DENND1B: variants seen among roughly 807,000 people sequenced by gnomAD.
DENND1B encodes the protein DENN domain-containing protein 1B.
In DENND1B, 59 loss-of-function variants were observed where a neutral mutation model predicts 90.1. The observed-to-expected ratio is 0.65, with a 90% confidence interval of 0.53 to 0.81. The LOEUF (loss-of-function observed/expected upper bound fraction) is 0.81. DENND1B is among the 40% of genes least tolerant of loss of function. The probability of loss-of-function intolerance (pLI) is 0.00; values close to 1 mark genes in which losing one functional copy is unlikely to be tolerated. For synonymous variants in DENND1B, 337 were observed against 324.6 expected (o/e 1.04, Z -0.41); for missense variants, 862 against 912.6 (o/e 0.94, Z 0.71).
intron 10 of DENND1B, among the ~76,000 whole-genome samples, chr1:197,637,646 C>T (rs2125910201): frequency 6.6e-6 from 1 of 152,202 alleles, no homozygotes; most frequent in East Asian, 1.9e-4. Flanking sequence ...ACTAAAAATA[C>T]AATGTTCAGA....
intron 10 of DENND1B, among the ~76,000 whole-genome samples, chr1:197,620,910 G>GTTT (rs1678097827): frequency 6.6e-6 from 1 of 151,332 alleles, no homozygotes; most frequent in Non-Finnish European, 1.5e-5. Flanking sequence ...GGGGTGGGGA[G>GTTT]CTATTTTAGA....
At chr1:197,715,383 T>C (rs531821498) in intron 2 of DENND1B, among the ~76,000 whole-genome samples, 1 of 152,072 alleles carries the variant, frequency 6.6e-6, no homozygotes, top group African/African-American at 2.4e-5. Context: ...GATTTTAAGA[T>C]TTTAAACTCT....
intron 8 of DENND1B, among the ~76,000 whole-genome samples, chr1:197,646,732 T>C (rs1045853632): frequency 6.6e-6 from 1 of 152,020 alleles, no homozygotes; most frequent in African/African-American, 2.4e-5. Flanking sequence ...TTTTGTGATC[T>C]TGGGACCAAA....
At chr1:197,637,065 A>C (rs1360740020) in intron 10 of DENND1B, among the ~76,000 whole-genome samples, 1 of 152,208 alleles carries the variant, frequency 6.6e-6, no homozygotes, top group Non-Finnish European at 1.5e-5. Flanking sequence ...TAAATATAGA[A>C]GGTACATTTT....
chr1:197,768,633 C>T (rs1656019634), intron 2 of DENND1B, among the ~76,000 whole-genome samples: 1 of 151,814 alleles, frequency 6.6e-6, no homozygotes, highest in Non-Finnish European at 1.5e-5. Context: ...CACTTTTGGA[C>T]AGCTGGAGCA....
chr1:197,550,577 C>G (rs1211077907), intron 16 of DENND1B, among the ~76,000 whole-genome samples: 1 of 151,628 alleles, frequency 6.6e-6, no homozygotes, highest in Non-Finnish European at 1.5e-5. Context: ...AAACCAAACA[C>G]CACATGTTCT....
At chr1:197,753,837 C>T (rs138347817) in intron 2 of DENND1B, among the ~76,000 whole-genome samples, 32 of 151,904 alleles carry the variant, frequency 2.1e-4, no homozygotes, top group African/African-American at 6.8e-4. Flanking sequence ...CCCGTCTCTA[C>T]TAAAAATACA....
chr1:197,759,087 A>G (rs1467869978), intron 2 of DENND1B, among the ~76,000 whole-genome samples: 1 of 148,798 alleles, frequency 6.7e-6, no homozygotes, highest in Non-Finnish European at 1.5e-5. Context: ...CTCCTGCCTC[A>G]GCCTCCCAAA....
chr1:197,750,700 A>C (rs563767685), intron 2 of DENND1B, among the ~76,000 whole-genome samples: 30 of 152,340 alleles, frequency 2.0e-4, no homozygotes, highest in African/African-American at 6.7e-4. Context: ...TGAGGAAGGC[A>C]GAGCAGTTCT....
chr1:197,561,184 A>C (rs1672131814), intron 15 of DENND1B, among the ~76,000 whole-genome samples: 1 of 151,974 alleles, frequency 6.6e-6, no homozygotes, highest in Non-Finnish European at 1.5e-5. Context: ...AAGAGCTGTC[A>C]GTACTTTGTG....
At chr1:197,541,849 T>C (rs1350325617) in intron 18 of DENND1B, among the ~76,000 whole-genome samples, 4 of 152,204 alleles carry the variant, frequency 2.6e-5, no homozygotes, top group African/African-American at 4.8e-5. Context: ...GGAAAGTGAC[T>C]CAGGGAGACT....
At chr1:197,652,401 T>C (rs1000587134) in intron 6 of DENND1B, 86 bp from the exon 7 acceptor site, 8 of 992,282 alleles carry the variant, frequency 8.1e-6, no homozygotes, top group South Asian at 5.1e-5. Flanking sequence ...TAATCTACTA[T>C]GGCTTTTCAT....
At position 197,736,179 on chromosome 1, in the gene DENND1B, T is replaced by C. The variant is rs1662668337; in HGVS notation, c.83-21105A>G. ...AAAAAGAAAATATAGGTTGGAATAC[T>C]GCAAAACAACCCACTCTTTTGATTT... is the stretch of plus-strand genomic sequence containing the variant. On this transcript the variant is annotated intron_variant, in intron 2 of 22. Coordinates refer to ENST00000620048, the MANE Select transcript of DENND1B (RefSeq NM_001195215.2). The C allele has an allele frequency of 6.0e-6, 3 of 501,942 alleles. No homozygotes were observed. The Admixed American group carries it at 9.1e-5, about 15-fold the overall frequency. 31.1% of individuals were successfully genotyped at this position (501,942 alleles called of 1,614,324 possible).
At chr1:197,626,948 GAC>G (rs1234303829) in intron 10 of DENND1B, among the ~76,000 whole-genome samples, 1 of 151,948 alleles carries the variant, frequency 6.6e-6, no homozygotes, top group Non-Finnish European at 1.5e-5. Context: ...TAAATTCCTC[GAC>G]ACACACACCC....
At chr1:197,519,356 T>C (rs907062051) in intron 20 of DENND1B, among the ~76,000 whole-genome samples, 2 of 151,834 alleles carry the variant, frequency 1.3e-5, no homozygotes, top group African/African-American at 4.8e-5. Context: ...AAGAAAAACA[T>C]AAAGGATAAA....
In DENND1B at chr1:197,571,542, T is replaced by G. The variant is rs11805909; in HGVS notation, c.1149+11610A>C. 5.9e-3 allele frequency among the ~76,000 whole-genome samples: 897 copies of G among 152,338 alleles called. 12 individuals carry two copies. The highest frequency in any genetic ancestry group is 0.02 in the African/African-American group (839 of 41,574). ...AATATCACCTTTTCAGTAGTGCCTT[T>G]TCTAGTCACTCAATCTAAATTGGCC... On this transcript the variant is annotated intron_variant, in intron 15 of 22. Transcript: ENST00000620048.
intron 9 of DENND1B, among the ~76,000 whole-genome samples, chr1:197,643,534 A>G (rs965904354): frequency 7.2e-5 from 11 of 152,090 alleles, no homozygotes; most frequent in African/African-American, 2.2e-4. Flanking sequence ...CCCAGACAAT[A>G]CATTTGAGTC....
chr1:197,523,410 A>G (rs1668913397), intron 20 of DENND1B, among the ~76,000 whole-genome samples: 1 of 152,126 alleles, frequency 6.6e-6, no homozygotes, highest in Admixed American at 6.6e-5. Flanking sequence ...AAGAAAGTGG[A>G]AGGATGCTAA....
intron 15 of DENND1B, among the ~76,000 whole-genome samples, chr1:197,568,800 T>C (rs1330066751): frequency 1.3e-5 from 2 of 152,064 alleles, no homozygotes; most frequent in South Asian, 2.1e-4. Context: ...TCAGATTATA[T>C]ATAAAAATCA....
Sources: gnomAD v4.1 joint callset for allele counts (sites outside exome capture counted in the v4.1 genomes callset) on GRCh38, gnomAD v4.1.1 for gene constraint, MANE v1.5 for transcripts, NCBI Gene and HGNC (gene_info 2026-07-23, HGNC 2026-07-21) for gene names.